BTBD9: variants seen among roughly 807,000 people sequenced by gnomAD.
The protein encoded by BTBD9 is BTB domain containing 9.
In BTBD9, 49 loss-of-function variants were observed where a neutral mutation model predicts 64.3. That is an observed-to-expected ratio of 0.76 (90% CI 0.61 to 0.97). BTBD9 has a LOEUF of 0.97. Ranked by LOEUF, BTBD9 falls within the 50% of genes least tolerant of loss-of-function variation. BTBD9 has a pLI of 0.00. For missense variants in BTBD9, 598 were observed against 762.1 expected (o/e 0.78, Z 2.53); for synonymous variants, 260 against 274.7 (o/e 0.95, Z 0.53).
chr6:38,461,100 TA>T (rs767525724), intron 6 of BTBD9, among the ~76,000 whole-genome samples: 27 of 152,246 alleles, frequency 1.8e-4, no homozygotes, highest in Admixed American at 2.0e-4. Context: ...AATGGCACAG[TA>T]AGTTTTATAG....
intron 6 of BTBD9, among the ~76,000 whole-genome samples, chr6:38,545,326 G>A (rs964569820): frequency 1.3e-5 from 2 of 152,056 alleles, no homozygotes; most frequent in East Asian, 1.9e-4. Flanking sequence ...CTTGACCTCT[G>A]GTGATTACAG....
rs1177808553 is a variant in BTBD9 at position 38,168,813 on chromosome 6, A to T, written c.*6172T>A. 1 of 152,266 alleles carries T rather than the reference A, an allele frequency of 6.6e-6. No homozygotes were observed. Among genetic ancestry groups the T allele is most frequent in the African/African-American group, 2.4e-5 (1 of 41,454 alleles). The allele number at this position is 152,266 out of a possible 1,614,324, so 9.4% of individuals were successfully genotyped here. A position where few individuals can be genotyped will look rare whatever the true frequency, so the allele number is the denominator to read the frequency against. ...AATCCGGATTCAAGACAGGCTTCGC[A>T]AAAGCAGCTCTTGGGCCGAGCTCCA... On this transcript the variant is annotated 3_prime_UTR_variant, in exon 11 of 11. Coordinates refer to ENST00000481247, the MANE Select transcript of BTBD9 (RefSeq NM_001099272.2).
Position 38,169,288 on chromosome 6 carries a change from C to G in BTBD9, c.*5697G>C, listed in dbSNP as rs1766648778. 1 of 152,480 alleles carries G rather than the reference C, an allele frequency of 6.6e-6. No individual in the cohort carries two copies. The highest frequency in any genetic ancestry group is 1.9e-4 in the East Asian group (1 of 5,186). The allele number at this position is 152,480 out of a possible 1,614,324, so 9.4% of individuals were successfully genotyped here. On this transcript the variant is annotated 3_prime_UTR_variant, in exon 11 of 11. Coordinates refer to ENST00000481247, the MANE Select transcript of BTBD9 (RefSeq NM_001099272.2). Reference sequence around the variant, plus strand: ...TGGGAAGTGTGGGCTGGGGGTAAACCCAGCAACTCAGGACTAGCAGCAGCC... The same window carrying G: ...TGGGAAGTGTGGGCTGGGGGTAAACGCAGCAACTCAGGACTAGCAGCAGCC...
chr6:38,360,467 C>A (rs1160296873), intron 6 of BTBD9, among the ~76,000 whole-genome samples: 1 of 151,852 alleles, frequency 6.6e-6, no homozygotes, highest in African/African-American at 2.4e-5. Flanking sequence ...TCTTTTAATG[C>A]AGACAGGAAA....
intron 1 of BTBD9, among the ~76,000 whole-genome samples, chr6:38,606,021 T>C (rs1221483716): frequency 6.6e-6 from 1 of 152,184 alleles, no homozygotes; most frequent in Non-Finnish European, 1.5e-5. Flanking sequence ...TGCTGAGTCT[T>C]CTGGCCTCCA....
chr6:38,568,017 A>C (rs1209675110), intron 6 of BTBD9, among the ~76,000 whole-genome samples: 3 of 152,180 alleles, frequency 2.0e-5, no homozygotes, highest in Non-Finnish European at 4.4e-5. Flanking sequence ...ACTACCACCA[A>C]AGGAATATAA....
At chr6:38,357,492 G>A (rs1764771444) in intron 6 of BTBD9, among the ~76,000 whole-genome samples, 3 of 152,218 alleles carry the variant, frequency 2.0e-5, no homozygotes, top group Admixed American at 6.5e-5. Flanking sequence ...TCTGAAGGGA[G>A]TAAGAATCTG....
At position 38,291,983 on chromosome 6, in the gene BTBD9, C is replaced by T. The variant is rs1455768749; in HGVS notation, c.1265-3522G>A. Among the ~76,000 whole-genome samples the T allele has an allele frequency of 4.8e-5, 7 of 146,512 alleles. No homozygotes were observed. The East Asian group carries it at 8.3e-4, about 17-fold the overall frequency. ...TTTCTTTCTTTTTTTTTTTTTGAGACGAAGTTTTGCTCTTGTTGCCCAGGC... is the reference window on the plus strand; with the variant it reads ...TTTCTTTCTTTTTTTTTTTTTGAGATGAAGTTTTGCTCTTGTTGCCCAGGC... On this transcript the variant is annotated intron_variant, in intron 7 of 10. Transcript: ENST00000481247.
chr6:38,305,652 T>A (rs1443250881), intron 7 of BTBD9, among the ~76,000 whole-genome samples: 1 of 152,002 alleles, frequency 6.6e-6, no homozygotes, highest in Non-Finnish European at 1.5e-5. Flanking sequence ...GGGCTAATTT[T>A]TTTTTGTTTT....
intron 6 of BTBD9, among the ~76,000 whole-genome samples, chr6:38,564,484 G>A (rs1474660129): frequency 6.6e-6 from 1 of 152,196 alleles, no homozygotes; most frequent in Non-Finnish European, 1.5e-5. Context: ...TTTCAGGAGT[G>A]GAGATGAGAG....
chr6:38,223,785 T>A (rs1293884997), intron 9 of BTBD9, among the ~76,000 whole-genome samples: 1 of 151,990 alleles, frequency 6.6e-6, no homozygotes, highest in African/African-American at 2.4e-5. Context: ...TTTTTTTTTT[T>A]AAACGAAAAA....
At chr6:38,427,913 ATAGT>A (rs1768247699) in intron 6 of BTBD9, among the ~76,000 whole-genome samples, 1 of 152,008 alleles carries the variant, frequency 6.6e-6, no homozygotes, top group Admixed American at 6.5e-5. Flanking sequence ...CTTAACCTTC[ATAGT>A]TAGTTACTCC....
intron 6 of BTBD9, among the ~76,000 whole-genome samples, chr6:38,495,925 G>A (rs1771936837): frequency 6.6e-6 from 1 of 152,202 alleles, no homozygotes; most frequent in Non-Finnish European, 1.5e-5. Context: ...GAGCAGTGAG[G>A]TGGTAAGAAA....
At chr6:38,311,978 C>G (rs1189218267) in intron 7 of BTBD9, among the ~76,000 whole-genome samples, 1 of 152,192 alleles carries the variant, frequency 6.6e-6, no homozygotes, top group Non-Finnish European at 1.5e-5. Flanking sequence ...TCTCCTGCAT[C>G]AGCCTCCTGA....
At chr6:38,194,710 G>A (rs564987102) in intron 9 of BTBD9, among the ~76,000 whole-genome samples, 1 of 151,674 alleles carries the variant, frequency 6.6e-6, no homozygotes, top group Admixed American at 6.6e-5. Context: ...GTCTCGCTGG[G>A]AGCCGTCCTG....
chr6:38,467,435 C>T (rs1015184856), intron 6 of BTBD9, among the ~76,000 whole-genome samples: 1 of 152,132 alleles, frequency 6.6e-6, no homozygotes. Context: ...GAAATTACCT[C>T]CCCCCATATT....
At chr6:38,369,025 A>G (rs1341509285) in intron 6 of BTBD9, among the ~76,000 whole-genome samples, 2 of 152,214 alleles carry the variant, frequency 1.3e-5, no homozygotes, top group Non-Finnish European at 2.9e-5. Flanking sequence ...TCATGCCGCC[A>G]TACCTTCCTA....
chr6:38,180,454 G>T (rs1253109057), intron 10 of BTBD9, among the ~76,000 whole-genome samples: 1 of 152,148 alleles, frequency 6.6e-6, no homozygotes, highest in Non-Finnish European at 1.5e-5. Flanking sequence ...GAAATATTGG[G>T]CATGTGGCCC....
chr6:38,415,940 C>T (rs979961017), intron 6 of BTBD9, among the ~76,000 whole-genome samples: 3 of 152,120 alleles, frequency 2.0e-5, no homozygotes, highest in African/African-American at 7.2e-5. Flanking sequence ...AACACCCTAA[C>T]AGAGTCTATG....
Sources: gnomAD v4.1 joint callset for allele counts (sites outside exome capture counted in the v4.1 genomes callset) on GRCh38, gnomAD v4.1.1 for gene constraint, MANE v1.5 for transcripts, NCBI Gene and HGNC (gene_info 2026-07-23, HGNC 2026-07-21) for gene names.